Variants in CNTN2 observed in about 807,000 individuals in gnomAD.
CNTN2 encodes contactin 2.
Under a neutral mutation model 117.5 loss-of-function variants are expected in CNTN2, and 53 were observed. That is an observed-to-expected ratio of 0.45 (90% CI 0.36 to 0.57). The LOEUF (loss-of-function observed/expected upper bound fraction) is 0.57. CNTN2 is among the 20% of genes least tolerant of loss of function. The probability of loss-of-function intolerance (pLI) is 0.00; values close to 1 mark genes in which losing one functional copy is unlikely to be tolerated. For synonymous variants in CNTN2, 530 were observed against 561.7 expected, an observed-to-expected ratio of 0.94 and a Z score of 0.80; for missense variants, 1,106 against 1,404.3, an observed-to-expected ratio of 0.79 and a Z score of 3.39.
chr1:205,072,942 G>C, intron 21 of CNTN2, 126 bp from the exon 22 acceptor site: 2 of 966,120 alleles, frequency 2.1e-6, no homozygotes, highest in Non-Finnish European at 3.1e-6. Context: ...ATGGGGAGGA[G>C]GGGTGAGGAG....
chr1:205,055,229 G>A (rs565552988), intron 2 of CNTN2, among the ~76,000 whole-genome samples: 1 of 152,296 alleles, frequency 6.6e-6, no homozygotes, highest in South Asian at 2.1e-4. Context: ...GGCCAGGCTG[G>A]TCTCGAACTC....
intron 12 of CNTN2, 136 bp from the exon 13 acceptor site, chr1:205,064,951 G>T: frequency 8.3e-7 from 1 of 1,205,790 alleles, no homozygotes; most frequent in Non-Finnish European, 1.2e-6. Context: ...TGCAGTCCTG[G>T]GCAGTTGGGA....
Position 205,058,950 on chromosome 1 carries a change from C to A in CNTN2, c.488-134C>A. ...AAGTCACTTCTTCCCTCTAGGTCTC[C>A]CCTTAGCCCCAGTTCAGAGCATGGT... On this transcript the variant is annotated intron_variant, in intron 5 of 22. Coordinates refer to ENST00000331830, the MANE Select transcript of CNTN2 (RefSeq NM_005076.5). The surrounding 1 kb of genome is among the most constrained non-coding windows in gnomAD (Gnocchi z 4.3). 1.2e-6 allele frequency: 1 copy of A among 804,972 alleles called. No individual in the cohort carries two copies. The allele number at this position is 804,972 out of a possible 1,614,324, so 49.9% of individuals were successfully genotyped here. A position where few individuals can be genotyped will look rare whatever the true frequency, so the allele number is the denominator to read the frequency against.
upstream of CNTN2, chr1:205,043,111 C>T (rs2096434771): frequency 6.6e-6 from 1 of 152,374 alleles, no homozygotes; most frequent in Non-Finnish European, 1.5e-5. Flanking sequence ...TCCAGGGCCC[C>T]CGAGCGTTGG....
chr1:205,061,942 G>A lies in CNTN2; in HGVS notation c.1051G>A (p.Ala351Thr). ...GSNLRWGCAA[A>T]GKPRPTVRWL... ...CAACCTGCGTTGGGGCTGTGCAGCC[G>A]CCGGCAAGCCCCGGCCTACAGTGCG... is the stretch of plus-strand genomic sequence containing the variant. Residue 351 changes from alanine (A) to threonine (T), a missense_variant, in exon 9 of 23, where the codon GCC (alanine) becomes ACC (threonine). Physicochemically the swap from Ala to Thr is moderately conservative, Grantham distance 58. Transcript: ENST00000331830. This position sits in a 1 kb window ranked among gnomAD's most constrained non-coding sequence, Gnocchi z 4.8. The A allele has an allele frequency of 2.5e-6, 4 of 1,609,704 alleles. 1 individual carries two copies. The highest frequency in any genetic ancestry group is 1.7e-6 in the Non-Finnish European group (2 of 1,178,044).
chr1:205,054,803 C>T (rs545381145), intron 2 of CNTN2, among the ~76,000 whole-genome samples: 1 of 152,266 alleles, frequency 6.6e-6, no homozygotes, highest in East Asian at 1.9e-4. Flanking sequence ...GGATTCCTGG[C>T]ACTCCAGTGC....
At chr1:205,070,868 T>A (rs981767408) in intron 19 of CNTN2, 8 of 176,996 alleles carry the variant, frequency 4.5e-5, no homozygotes, top group South Asian at 1.2e-4. Flanking sequence ...TGGTGGCCCA[T>A]GCCTGTAATC....
At chr1:205,057,835 A>G in intron 2 of CNTN2, 86 bp from the exon 3 acceptor site, 1 of 1,489,728 alleles carries the variant, frequency 6.7e-7, no homozygotes, top group East Asian at 2.3e-5. Flanking sequence ...ATCATCAGAG[A>G]AAGTTTTACT....
chr1:205,047,673 G>A (rs1275323029), intron 1 of CNTN2, among the ~76,000 whole-genome samples: 1 of 152,194 alleles, frequency 6.6e-6, no homozygotes, highest in Non-Finnish European at 1.5e-5. Flanking sequence ...CTGCCCAGGA[G>A]ATTGTGGGTT....
In CNTN2 at chr1:205,066,137, C is replaced by T. The variant is rs1654277832; in HGVS notation, c.1816+228C>T. On this transcript the variant is annotated intron_variant, in intron 14 of 22. Transcript: ENST00000331830. ...AAAAAATCCACTCCTAAACACATCC[C>T]AAGACAGGAGTGCTTTACTGAGCCC... The T allele has an allele frequency of 9.5e-6, 6 of 633,888 alleles. No individual in the cohort carries two copies. In the South Asian group the frequency reaches 1.2e-4, roughly 13 times the overall value. The allele number at this position is 633,888 out of a possible 1,614,324, so 39.3% of individuals were successfully genotyped here.
In CNTN2 at chr1:205,078,236, A is replaced by C. The variant is rs1654950350; in HGVS notation, c.*4471A>C. On this transcript the variant is annotated 3_prime_UTR_variant, in exon 23 of 23. Transcript: ENST00000331830. ...AGAGCACAGGCAGGCATTTGGCTAG[A>C]ATCAGTTGGCTTTACCTAATACAGT... The C allele has an allele frequency of 6.6e-6, 1 of 152,226 alleles. No individual in the cohort carries two copies. The highest frequency in any genetic ancestry group is 1.5e-5 in the Non-Finnish European group (1 of 68,064). The allele number at this position is 152,226 out of a possible 1,614,324, so 9.4% of individuals were successfully genotyped here.
intron 16 of CNTN2, chr1:205,069,255 C>A (rs763450657): frequency 1.9e-4 from 95 of 513,198 alleles, no homozygotes; most frequent in Non-Finnish European, 3.1e-4. Context: ...GAATCAGAGG[C>A]TCAGAAAGGT....
chr1:205,051,088 A>AG (rs1309762304), intron 1 of CNTN2, among the ~76,000 whole-genome samples: 1 of 152,244 alleles, frequency 6.6e-6, no homozygotes. Context: ...GTGCCCACGC[A>AG]TGTGTTCACT....
At chr1:205,070,239 G>C in intron 18 of CNTN2, 178 bp downstream of exon 18, 1 of 741,850 alleles carries the variant, frequency 1.3e-6, no homozygotes, top group Non-Finnish European at 2.2e-6. Flanking sequence ...TCCCTTCGGG[G>C]TTAGGAAAAG....
chr1:205,066,058 G>C (rs1654273915), intron 14 of CNTN2, 149 bp downstream of exon 14: 2 of 951,642 alleles, frequency 2.1e-6, no homozygotes, highest in Non-Finnish European at 3.1e-6. Context: ...TATACCCTGT[G>C]GTTCTTCACA....
Position 205,073,058 on chromosome 1 carries a change from C to T in CNTN2, c.2845-10C>T, listed in dbSNP as rs1459924769. On this transcript the variant is annotated splice_polypyrimidine_tract_variant and intron_variant, in intron 21 of 22. Transcript: ENST00000331830. The surrounding 1 kb of genome is among the most constrained non-coding windows in gnomAD (Gnocchi z 6.3). ...TCAGGAAACTCCACCTGGAAACCTC[C>T]TTCCCACAGATGCTGTACCAGAATG... 1 of 1,613,862 alleles carries T rather than the reference C, an allele frequency of 6.2e-7. No homozygotes were observed. Among genetic ancestry groups the T allele is most frequent in the African/African-American group, 1.3e-5 (1 of 75,034 alleles).
rs759288226 is a variant in CNTN2, at chr1:205,073,762, C to G, written c.3120C>G (p.Leu1040=). The G allele has an allele frequency of 6.2e-7, 1 of 1,612,804 alleles. No homozygotes were observed. The part of the protein sequence containing the change: ...AMLILIGSLE[L] ...TGATCCTCATAGGCTCCCTGGAGCT[C>G]TGATCCTGGAACCCCTCCCTCTGCG... Residue 1040 remains leucine, a synonymous_variant, in exon 23 of 23, where the codon CTC becomes CTG. Coordinates refer to ENST00000331830, the MANE Select transcript of CNTN2 (RefSeq NM_005076.5). The surrounding 1 kb of genome is among the most constrained non-coding windows in gnomAD (Gnocchi z 6.3).
Position 205,061,460 on chromosome 1 carries a change from C to T in CNTN2, c.973+40C>T, listed in dbSNP as rs1319780280. 6.6e-7 allele frequency: 1 copy of T among 1,524,652 alleles called. No homozygotes were observed. The highest frequency in any genetic ancestry group is 8.8e-7 in the Non-Finnish European group (1 of 1,131,228). 94.4% of individuals were successfully genotyped at this position (1,524,652 alleles called of 1,614,324 possible). A position where few individuals can be genotyped will look rare whatever the true frequency, so the allele number is the denominator to read the frequency against. On this transcript the variant is annotated intron_variant, in intron 8 of 22. Coordinates refer to ENST00000331830, the MANE Select transcript of CNTN2 (RefSeq NM_005076.5). The surrounding 1 kb of genome is among the most constrained non-coding windows in gnomAD (Gnocchi z 4.8). ...ACACCTTCTCCGCCCCTCCCGACCC[C>T]CCTTCCCGCCTTCACCCTTGTCCCC...
chr1:205,070,210 C>G, intron 18 of CNTN2, 149 bp downstream of exon 18: 1 of 805,524 alleles, frequency 1.2e-6, no homozygotes, highest in South Asian at 1.7e-5. Flanking sequence ...GCCTCACTTC[C>G]AGCTCTTGCT....
Sources: gnomAD v4.1 joint callset for allele counts (sites outside exome capture counted in the v4.1 genomes callset) on GRCh38, gnomAD v4.1.1 for gene constraint, Gnocchi (gnomAD v3.1) non-coding constraint, MANE v1.5 for transcripts, NCBI Gene and HGNC (gene_info 2026-07-23, HGNC 2026-07-21) for gene names.